ALB: variants seen among roughly 807,000 people sequenced by gnomAD.
ALB encodes the protein serum albumin.
ALB carries 37 observed loss-of-function variants against 74.5 expected under a neutral mutation model. That is an observed-to-expected ratio of 0.50 (90% CI 0.38 to 0.65). ALB has a LOEUF of 0.65. Ranked by LOEUF, ALB falls within the 30% of genes least tolerant of loss-of-function variation. ALB has a pLI of 0.00. For missense variants in ALB, 685 were observed against 718.7 expected (o/e 0.95, Z 0.54); for synonymous variants, 249 against 251.6 (o/e 0.99, Z 0.10).
At position 73,413,244 on chromosome 4, in the gene ALB, T is replaced by G. The variant is rs1405287166; in HGVS notation, c.844-176T>G. 4.7e-6 allele frequency: 3 copies of G among 644,674 alleles called. No homozygotes were observed. The Admixed American group carries it at 7.2e-5, about 16-fold the overall frequency. The allele number at this position is 644,674 out of a possible 1,614,324, so 39.9% of individuals were successfully genotyped here. A position where few individuals can be genotyped will look rare whatever the true frequency, so the allele number is the denominator to read the frequency against. Reference sequence around the variant, plus strand: ...AGTCTATTTTAATTAAGTGGGAATGTTTTTGTAGTCCTATCTACATCTCCA... The same window carrying G: ...AGTCTATTTTAATTAAGTGGGAATGGTTTTGTAGTCCTATCTACATCTCCA... On this transcript the variant is annotated intron_variant, in intron 7 of 14. Coordinates refer to ENST00000295897, the MANE Select transcript of ALB (RefSeq NM_000477.7).
At chr4:73,407,999 A>G (rs1310160070) in intron 3 of ALB, among the ~76,000 whole-genome samples, 1 of 152,190 alleles carries the variant, frequency 6.6e-6, no homozygotes, top group Non-Finnish European at 1.5e-5. Context: ...CTAGAGTAGT[A>G]TATTTTCCCT....
rs1452298810 is a variant in ALB at position 73,419,250 on chromosome 4, C to T, written c.1653-257C>T. The T allele has an allele frequency of 1.9e-5, 8 of 425,546 alleles. 1 individual carries two copies. The highest frequency in any genetic ancestry group is 6.6e-5 in the South Asian group (2 of 30,512). The allele number at this position is 425,546 out of a possible 1,614,324, so 26.4% of individuals were successfully genotyped here. The stretch of plus-strand genomic sequence containing the variant: ...AAAGAAATTTGTTGACACTACATAA[C>T]GTGATGAGTGGTTTATACTGATTGT... On this transcript the variant is annotated intron_variant, in intron 12 of 14. Coordinates refer to ENST00000295897, the MANE Select transcript of ALB (RefSeq NM_000477.7).
At chr4:73,410,671 G>T (rs1718851892) in intron 6 of ALB, among the ~76,000 whole-genome samples, 1 of 151,986 alleles carries the variant, frequency 6.6e-6, no homozygotes, top group African/African-American at 2.4e-5. Flanking sequence ...AGATATTTAA[G>T]TTCTATTTAT....
At chr4:73,412,233 G>T (rs1718896444) in intron 7 of ALB, 108 bp downstream of exon 7, 3 of 1,380,504 alleles carry the variant, frequency 2.2e-6, no homozygotes, top group Admixed American at 1.7e-5. Context: ...ATTGTCTTCT[G>T]TGCTTTCGTC....
At chr4:73,415,873 AG>A (rs1425402420) in intron 9 of ALB, among the ~76,000 whole-genome samples, 1 of 152,188 alleles carries the variant, frequency 6.6e-6, no homozygotes, top group African/African-American at 2.4e-5. Context: ...ATTATATGCA[AG>A]GCACTGTTTA....
chr4:73,418,446 G>T, intron 12 of ALB, 135 bp downstream of exon 12: 1 of 773,266 alleles, frequency 1.3e-6, no homozygotes, highest in South Asian at 1.5e-5. Flanking sequence ...TTATTATGCT[G>T]ATAAGAGTAC....
At chr4:73,416,774 T>A (rs878944831) in intron 10 of ALB, among the ~76,000 whole-genome samples, 4 of 152,236 alleles carry the variant, frequency 2.6e-5, no homozygotes, top group Admixed American at 2.0e-4. Flanking sequence ...AGATACATAT[T>A]TGAATATTAA....
At chr4:73,410,964 C>G (rs1282045441) in intron 6 of ALB, among the ~76,000 whole-genome samples, 1 of 152,050 alleles carries the variant, frequency 6.6e-6, no homozygotes, top group Non-Finnish European at 1.5e-5. Flanking sequence ...CTTATTTTTG[C>G]ATAGCTCCAG....
At position 73,417,534 on chromosome 4, in the gene ALB, A is replaced by G; in HGVS notation, c.1293A>G (p.Leu431=). 1 of 1,614,010 alleles carries G rather than the reference A, an allele frequency of 6.2e-7. No homozygotes were observed. The highest frequency in any genetic ancestry group is 8.5e-7 in the Non-Finnish European group (1 of 1,179,948). Residue 431 remains leucine (L), a synonymous_variant, in exon 11 of 15, where the codon CTA becomes CTG. Transcript: ENST00000295897. ...ACACATGACTTCTTTTTTTCAGGCT[A>G]TTAGTTCGTTACACCAAGAAAGTAC... ...QLGEYKFQNA[L]LVRYTKKVPQ... is the part of the protein sequence containing the mutation.
chr4:73,409,915 G>T (rs1289024041), intron 5 of ALB, among the ~76,000 whole-genome samples: 1 of 152,012 alleles, frequency 6.6e-6, no homozygotes, highest in Non-Finnish European at 1.5e-5. Flanking sequence ...TATATATTAT[G>T]GAATGCTTTA....
chr4:73,409,171 A>ACACT, intron 4 of ALB, 184 bp from the exon 5 acceptor site: 3 of 693,566 alleles, frequency 4.3e-6, no homozygotes, highest in African/African-American at 1.8e-5. Flanking sequence ...ACACACACAC[A>ACACT]CTTAACCCTT....
intron 8 of ALB, among the ~76,000 whole-genome samples, chr4:73,414,275 G>T (rs1184651278): frequency 2.6e-5 from 4 of 152,174 alleles, no homozygotes; most frequent in African/African-American, 9.7e-5. Context: ...ATACAGAGAA[G>T]AAAGAGAATA....
chr4:73,407,414 C>T (rs1195578338), intron 3 of ALB, among the ~76,000 whole-genome samples: 1 of 152,174 alleles, frequency 6.6e-6, no homozygotes, highest in Non-Finnish European at 1.5e-5. Context: ...CAAAGTCCAA[C>T]CATGTTGTTG....
chr4:73,415,816 T>TAAG (rs1718998232), intron 9 of ALB, among the ~76,000 whole-genome samples: 1 of 152,160 alleles, frequency 6.6e-6, no homozygotes, highest in Non-Finnish European at 1.5e-5. Context: ...AAAGGTGAAC[T>TAAG]AATAATAATA....
At chr4:73,408,096 G>GA (rs1367015876) in intron 3 of ALB, among the ~76,000 whole-genome samples, 4 of 152,156 alleles carry the variant, frequency 2.6e-5, no homozygotes, top group African/African-American at 9.7e-5. Flanking sequence ...ATTTCTGGAA[G>GA]AAAAATGTCT....
intron 1 of ALB, 46 bp downstream of exon 1, chr4:73,404,452 C>T: frequency 1.3e-6 from 2 of 1,503,980 alleles, no homozygotes; most frequent in Non-Finnish European, 1.9e-6. Flanking sequence ...TCTATTTTCC[C>T]AGTAAAATAA....
chr4:73,408,895 A>G (rs1190779285), intron 4 of ALB, 90 bp downstream of exon 4: 3 of 1,138,330 alleles, frequency 2.6e-6, no homozygotes, highest in Non-Finnish European at 3.7e-6. Flanking sequence ...TAACAAAAAT[A>G]TTTTCAACAT....
chr4:73,404,468 T>C, intron 1 of ALB, 62 bp downstream of exon 1: 5 of 1,351,612 alleles, frequency 3.7e-6, no homozygotes, highest in East Asian at 4.6e-5. Context: ...AATAAAGTTT[T>C]AGTAAACTCT....
chr4:73,411,934 C>G (rs1395752051), intron 6 of ALB, 62 bp from the exon 7 acceptor site: 38 of 1,594,742 alleles, frequency 2.4e-5, no homozygotes, highest in Non-Finnish European at 2.9e-5. Flanking sequence ...TAGTATTTGC[C>G]TAGTGTTTTC....
Sources: gnomAD v4.1 joint callset for allele counts (sites outside exome capture counted in the v4.1 genomes callset) on GRCh38, gnomAD v4.1.1 for gene constraint, MANE v1.5 for transcripts, NCBI Gene and HGNC (gene_info 2026-07-23, HGNC 2026-07-21) for gene names.